CNTNAP4: variants seen among roughly 807,000 people sequenced by gnomAD.
CNTNAP4 encodes the protein contactin associated protein family member 4.
In CNTNAP4, 98 loss-of-function variants were observed where a neutral mutation model predicts 148.4. That is an observed-to-expected ratio of 0.66 (90% confidence interval 0.56 to 0.78). CNTNAP4 has a LOEUF of 0.78. Among genes scored for constraint, CNTNAP4 ranks in the 30% least tolerant of loss-of-function variants. The pLI, the probability that CNTNAP4 is intolerant of heterozygous loss-of-function variation, is 0.00. For synonymous variants in CNTNAP4, 730 were observed against 565.1 expected, an observed-to-expected ratio of 1.29 and a Z score of -4.14; for missense variants, 1,935 against 1,565.6, an observed-to-expected ratio of 1.24 and a Z score of -3.98.
At chr16:76,437,057 G>T (rs1461349040) in intron 4 of CNTNAP4, among the ~76,000 whole-genome samples, 3 of 151,794 alleles carry the variant, frequency 2.0e-5, no homozygotes, top group Non-Finnish European at 4.4e-5. Flanking sequence ...CCATCTGCAA[G>T]CTGAGGAGCA....
rs551375382 is a variant in CNTNAP4, at chr16:76,373,740, C to T, written c.390+18229C>T. Among the ~76,000 whole-genome samples, 5 of 151,694 alleles carry T rather than the reference C, an allele frequency of 3.3e-5. No homozygotes were observed. The South Asian group carries it at 1.0e-3, about 32-fold the overall frequency. Reference sequence around the variant, plus strand: ...TGAAACCCTATCTCTACTAAAAATACAAAAATTAGCCAGGCATGGTGGCAG... The same window carrying T: ...TGAAACCCTATCTCTACTAAAAATATAAAAATTAGCCAGGCATGGTGGCAG... On this transcript the variant is annotated intron_variant, in intron 3 of 23. Coordinates refer to ENST00000611870, the MANE Select transcript of CNTNAP4 (RefSeq NM_033401.5).
chr16:76,537,108 A>C (rs752121264), intron 18 of CNTNAP4, among the ~76,000 whole-genome samples: 3 of 152,228 alleles, frequency 2.0e-5, no homozygotes, highest in Non-Finnish European at 4.4e-5. Flanking sequence ...TCATGTTTAA[A>C]GTGATCATTA....
chr16:76,557,790 G>T (rs2085255491), intron 23 of CNTNAP4: 1 of 152,170 alleles, frequency 6.6e-6, no homozygotes, highest in African/African-American at 2.4e-5. Context: ...GAATTATCAT[G>T]AAATAGTTTT....
chr16:76,325,022 A>G (rs1256867011), intron 2 of CNTNAP4, among the ~76,000 whole-genome samples: 1 of 152,196 alleles, frequency 6.6e-6, no homozygotes, highest in Non-Finnish European at 1.5e-5. Context: ...TACCTGAGAG[A>G]AACCAAGACA....
intron 5 of CNTNAP4, among the ~76,000 whole-genome samples, chr16:76,448,433 A>G (rs1263137091): frequency 6.6e-6 from 1 of 152,222 alleles, no homozygotes; most frequent in Non-Finnish European, 1.5e-5. Context: ...TGATAGAACC[A>G]TATAGCTATT....
Position 76,277,671 on chromosome 16 carries a change from T to G in CNTNAP4, c.9T>G (p.Ser3=). 2 of 1,602,896 alleles carry G rather than the reference T, an allele frequency of 1.2e-6. No individual in the cohort carries two copies. Among genetic ancestry groups the G allele is most frequent in the South Asian group, 1.1e-5 (1 of 88,638 alleles). ...GCCCAATAAATGTGAACATGGGATC[T>G]GTCACGGGAGCTGTCCTCAAGACGC... is the stretch of plus-strand genomic sequence containing the variant. MG[S]VTGAVLKTLL... Residue 3 remains serine, a synonymous_variant, in exon 1 of 24, where the codon TCT becomes TCG. Coordinates refer to ENST00000611870, the MANE Select transcript of CNTNAP4 (RefSeq NM_033401.5).
intron 12 of CNTNAP4, among the ~76,000 whole-genome samples, chr16:76,484,434 C>T (rs968090225): frequency 9.9e-5 from 15 of 152,240 alleles, no homozygotes; most frequent in Admixed American, 6.5e-4. Context: ...TACCCAGAGA[C>T]AGCTAAATGT....
intron 12 of CNTNAP4, among the ~76,000 whole-genome samples, chr16:76,488,319 A>G: frequency 6.6e-6 from 1 of 152,212 alleles, no homozygotes; most frequent in East Asian, 1.9e-4. Flanking sequence ...CTGGTAGATT[A>G]AGTTCTGTTT....
At chr16:76,497,217 T>C (rs900224538) in intron 14 of CNTNAP4, among the ~76,000 whole-genome samples, 1 of 152,146 alleles carries the variant, frequency 6.6e-6, no homozygotes, top group African/African-American at 2.4e-5. Flanking sequence ...TTATAACATA[T>C]GGATTTACAA....
intron 3 of CNTNAP4, among the ~76,000 whole-genome samples, chr16:76,420,634 T>G (rs1255533431): frequency 6.6e-6 from 1 of 151,824 alleles, no homozygotes; most frequent in Non-Finnish European, 1.5e-5. Context: ...GAACTAAAAT[T>G]TTGTCCCTAA....
chr16:76,309,787 C>T (rs1960892573), intron 1 of CNTNAP4: 4 of 696,490 alleles, frequency 5.7e-6, no homozygotes, highest in African/African-American at 3.5e-5. Context: ...GTGCTATTCT[C>T]GTGATAGTGA....
intron 17 of CNTNAP4, among the ~76,000 whole-genome samples, chr16:76,532,894 G>C (rs533429768): frequency 2.7e-4 from 41 of 152,218 alleles, no homozygotes; most frequent in Admixed American, 2.2e-3. Context: ...GAAAAATCCT[G>C]AGGATAAGGG....
chr16:76,449,532 CT>C (rs1439602756), intron 6 of CNTNAP4, among the ~76,000 whole-genome samples, 182 bp from the exon 7 acceptor site: 1 of 152,048 alleles, frequency 6.6e-6, no homozygotes, highest in African/African-American at 2.4e-5. Flanking sequence ...AAATAAAGTT[CT>C]AGTGTAAATA....
At chr16:76,546,208 G>A (rs1174454391) in intron 21 of CNTNAP4, among the ~76,000 whole-genome samples, 2 of 152,160 alleles carry the variant, frequency 1.3e-5, no homozygotes, top group Admixed American at 6.5e-5. Flanking sequence ...GAAGTGGAGA[G>A]AGGGCACTAT....
intron 3 of CNTNAP4, among the ~76,000 whole-genome samples, chr16:76,404,054 G>T (rs1382093290): frequency 2.0e-5 from 3 of 152,046 alleles, no homozygotes; most frequent in Non-Finnish European, 4.4e-5. Context: ...AGAGTGGAGG[G>T]TGGGAAGATG....
chr16:76,426,823 G>C (rs975071324), intron 3 of CNTNAP4, among the ~76,000 whole-genome samples: 13 of 152,000 alleles, frequency 8.6e-5, no homozygotes, highest in African/African-American at 3.1e-4. Context: ...AAATTCTAAA[G>C]TCCGTAAGTT....
In CNTNAP4 at chr16:76,448,794, C is replaced by A; in HGVS notation, c.770C>A (p.Thr257Asn). The change falls in exon 6 of 24, where the codon ACC (threonine) becomes AAC (asparagine). Residue 257 changes from threonine (T) to asparagine (N), a missense_variant. Physicochemically the swap from Thr to Asn is moderately conservative, Grantham distance 65. Coordinates refer to ENST00000611870, the MANE Select transcript of CNTNAP4 (RefSeq NM_033401.5). ...GAAGCTAAACTGCCTTCCACTTCCA[C>A]CCTGGTCAATCTCACCCTGGGCAGC... ...SGEAKLPSTS[T>N]LVNLTLGSLL... 6.2e-7 allele frequency: 1 copy of A among 1,610,664 alleles called. No individual in the cohort carries two copies. The highest frequency in any genetic ancestry group is 8.5e-7 in the Non-Finnish European group (1 of 1,178,552).
intron 2 of CNTNAP4, among the ~76,000 whole-genome samples, chr16:76,346,937 A>G (rs1222543440): frequency 2.0e-5 from 3 of 152,216 alleles, no homozygotes; most frequent in Non-Finnish European, 4.4e-5. Context: ...CCAGTTTGCC[A>G]TGAGGGAATA....
intron 15 of CNTNAP4, among the ~76,000 whole-genome samples, chr16:76,512,241 A>G (rs768472095): frequency 5.9e-5 from 9 of 152,288 alleles, no homozygotes; most frequent in Admixed American, 1.3e-4. Context: ...AAATTGGAGA[A>G]CATTAGAGAC....
Sources: gnomAD v4.1 joint callset for allele counts (sites outside exome capture counted in the v4.1 genomes callset) on GRCh38, gnomAD v4.1.1 for gene constraint, MANE v1.5 for transcripts, NCBI Gene and HGNC (gene_info 2026-07-23, HGNC 2026-07-21) for gene names.